Variants in AGBL1 observed in about 807,000 individuals in gnomAD.
The protein encoded by AGBL1 is AGBL carboxypeptidase 1.
AGBL1 carries 130 observed loss-of-function variants against 118.9 expected under a neutral mutation model. The observed-to-expected ratio is 1.09, with a 90% CI of 0.95 to 1.26. The LOEUF (loss-of-function observed/expected upper bound fraction) is 1.26. AGBL1 is among the 50% of genes most tolerant of loss of function. The pLI, the probability that AGBL1 is intolerant of heterozygous loss-of-function variation, is 0.00. For synonymous variants in AGBL1, 555 were observed against 478.9 expected, an observed-to-expected ratio of 1.16 and a Z score of -2.08; for missense variants, 1,584 against 1,298.1, an observed-to-expected ratio of 1.22 and a Z score of -3.38.
intron 21 of AGBL1, among the ~76,000 whole-genome samples, chr15:86,557,294 T>G (rs899081276): frequency 6.6e-6 from 1 of 152,194 alleles, no homozygotes; most frequent in East Asian, 1.9e-4. Context: ...ATCCCGTCCA[T>G]GTGGACAGCT....
intron 21 of AGBL1, among the ~76,000 whole-genome samples, chr15:86,579,891 T>C (rs2084150438): frequency 1.3e-5 from 2 of 152,194 alleles, no homozygotes; most frequent in South Asian, 4.1e-4. Flanking sequence ...AAGCCTATGA[T>C]GACTCCCAGG....
chr15:86,085,200 A>G (rs981624019), intron 1 of AGBL1, among the ~76,000 whole-genome samples: 8 of 152,158 alleles, frequency 5.3e-5, no homozygotes, highest in South Asian at 4.1e-4. Context: ...ACCTCTCCTG[A>G]TTAGAGATTC....
intron 19 of AGBL1, among the ~76,000 whole-genome samples, chr15:86,540,084 C>T (rs76628876): frequency 0.026 from 4,021 of 152,186 alleles, 186 homozygotes; most frequent in African/African-American, 0.093. Flanking sequence ...TTAGTGTTCT[C>T]GGCCACAAAA....
Position 86,683,614 on chromosome 15 carries a change from A to C in AGBL1, c.3158+9178A>C, listed in dbSNP as rs2086001265. Among the ~76,000 whole-genome samples the C allele has an allele frequency of 2.0e-5, 3 of 152,190 alleles. No individual in the cohort carries two copies. The South Asian group carries it at 6.2e-4, about 31-fold the overall frequency. On this transcript the variant is annotated intron_variant, in intron 22 of 22. Coordinates refer to ENST00000614907, the MANE Select transcript of AGBL1 (RefSeq NM_001386094.1). ...TCTCATTCACCTCTGCCTCAGGCTCAACCAAATGAACGGCAGGTCTCTTGC... is the reference window on the plus strand; with the variant it reads ...TCTCATTCACCTCTGCCTCAGGCTCCACCAAATGAACGGCAGGTCTCTTGC...
intron 21 of AGBL1, among the ~76,000 whole-genome samples, chr15:86,584,696 G>T (rs532255043): frequency 6.6e-6 from 1 of 151,978 alleles, no homozygotes; most frequent in Non-Finnish European, 1.5e-5. Flanking sequence ...TTTTAGAATA[G>T]GTTTTTTTCT....
chr15:86,570,483 A>G (rs2083989247), intron 21 of AGBL1, among the ~76,000 whole-genome samples: 3 of 152,236 alleles, frequency 2.0e-5, no homozygotes, highest in African/African-American at 7.2e-5. Flanking sequence ...AATATTCATA[A>G]AGATTCCTGG....
chr15:86,390,060 G>C (rs777652599), intron 17 of AGBL1, among the ~76,000 whole-genome samples: 9 of 152,084 alleles, frequency 5.9e-5, no homozygotes, highest in Non-Finnish European at 1.2e-4. Context: ...AACACTGAAA[G>C]TGATGAAAAA....
intron 1 of AGBL1, among the ~76,000 whole-genome samples, chr15:86,124,339 A>C (rs550071933): frequency 6.6e-6 from 1 of 151,762 alleles, no homozygotes; most frequent in African/African-American, 2.4e-5. Context: ...CAAAAAAAAA[A>C]AAAAAAAACA....
chr15:86,258,822 T>C (rs891703562), intron 9 of AGBL1, among the ~76,000 whole-genome samples: 3 of 152,108 alleles, frequency 2.0e-5, no homozygotes, highest in African/African-American at 7.2e-5. Flanking sequence ...TTTACCAACT[T>C]CAGCCTCCCA....
rs1379987786 is a variant in AGBL1 at position 86,889,535 on chromosome 15, C to T, written c.3159-17552C>T. On this transcript the variant is annotated intron_variant, in intron 22 of 22. Coordinates refer to ENST00000614907, the MANE Select transcript of AGBL1 (RefSeq NM_001386094.1). ...TCCATTAGCTATTCTTCCTGATGCT[C>T]TCCCTTCCCCCACCTGGCCCCCAAC... Among the ~76,000 whole-genome samples the T allele has an allele frequency of 3.3e-5, 5 of 152,140 alleles. No individual in the cohort carries two copies. The East Asian group carries it at 9.6e-4, about 29-fold the overall frequency.
At chr15:86,902,360 G>A (rs183763488) in intron 22 of AGBL1, among the ~76,000 whole-genome samples, 4 of 152,142 alleles carry the variant, frequency 2.6e-5, no homozygotes, top group Admixed American at 1.3e-4. Context: ...CTCACAGTTA[G>A]TGTTGTTGAA....
chr15:87,021,807 A>C (rs1455571295), intron 24 of AGBL1, among the ~76,000 whole-genome samples: 1 of 152,134 alleles, frequency 6.6e-6, no homozygotes, highest in African/African-American at 2.4e-5. Flanking sequence ...GGAGGCTTGC[A>C]TTATGAATTT....
chr15:86,827,335 ATATGTG>A (rs1272261970), intron 22 of AGBL1, among the ~76,000 whole-genome samples: 2 of 11,100 alleles, frequency 1.8e-4, no homozygotes, highest in African/African-American at 6.1e-4. Flanking sequence ...ATATATATAT[ATATGTG>A]TATATATATA....
chr15:86,882,238 A>G (rs773476815), intron 22 of AGBL1, among the ~76,000 whole-genome samples: 21 of 152,180 alleles, frequency 1.4e-4, no homozygotes, highest in Non-Finnish European at 2.9e-4. Context: ...TCACTTCCTC[A>G]GAATTAAATA....
intron 18 of AGBL1, among the ~76,000 whole-genome samples, chr15:86,438,140 T>A (rs1339884263): frequency 6.6e-6 from 1 of 152,082 alleles, no homozygotes; most frequent in Non-Finnish European, 1.5e-5. Flanking sequence ...ACTCCTGACC[T>A]CATGATCCAT....
intron 22 of AGBL1, among the ~76,000 whole-genome samples, chr15:86,694,689 A>G (rs1412801706): frequency 6.6e-6 from 1 of 151,936 alleles, no homozygotes; most frequent in Non-Finnish European, 1.5e-5. Flanking sequence ...CAAAGGGAAC[A>G]TGTTCAACTT....
intron 23 of AGBL1, among the ~76,000 whole-genome samples, chr15:86,985,460 TTTTAA>T (rs1483727503): frequency 6.6e-6 from 1 of 152,230 alleles, no homozygotes; most frequent in Non-Finnish European, 1.5e-5. Flanking sequence ...CGTATTATGG[TTTTAA>T]TTTGCTTTCC....
intron 19 of AGBL1, among the ~76,000 whole-genome samples, chr15:86,541,612 AAAAAAGAG>A (rs1178419248): frequency 2.0e-5 from 3 of 146,428 alleles, no homozygotes; most frequent in South Asian, 2.2e-4. Flanking sequence ...AAAAAAAAAA[AAAAAAGAG>A]AGAGAGAGAG....
intron 6 of AGBL1, among the ~76,000 whole-genome samples, chr15:86,225,737 T>C (rs1420206926): frequency 1.3e-5 from 2 of 152,152 alleles, no homozygotes; most frequent in African/African-American, 4.8e-5. Context: ...GCCAGCTGCT[T>C]CAATTGTGAT....
Sources: allele counts gnomAD v4.1 joint callset (sites outside exome capture counted in the v4.1 genomes callset), GRCh38; gene constraint gnomAD v4.1.1; transcripts MANE v1.5; gene names NCBI Gene and HGNC (gene_info 2026-07-23, HGNC 2026-07-21).